Variants in DPP10 observed in about 807,000 individuals in gnomAD.
DPP10 encodes the protein inactive dipeptidyl peptidase 10.
DPP10 carries 33 observed loss-of-function variants against 120.9 expected under a neutral mutation model. The observed-to-expected ratio is 0.27, with a 90% confidence interval of 0.21 to 0.37. The LOEUF is 0.37. DPP10 is among the 10% of genes least tolerant of loss of function. The pLI, the probability that DPP10 is intolerant of heterozygous loss-of-function variation, is 1.00. For missense variants in DPP10, 816 were observed against 942.8 expected, an observed-to-expected ratio of 0.87 and a Z score of 1.76; for synonymous variants, 337 against 326.1, an observed-to-expected ratio of 1.03 and a Z score of -0.36.
rs951487976 is a variant in DPP10 at position 114,651,942 on chromosome 2, A to G, written c.60+209104A>G. Among the ~76,000 whole-genome samples the G allele has an allele frequency of 7.9e-5, 12 of 152,300 alleles. No homozygotes were observed. In the East Asian group the frequency reaches 2.1e-3, roughly 27 times the overall value. On this transcript the variant is annotated intron_variant, in intron 1 of 25. Coordinates refer to ENST00000410059, the MANE Select transcript of DPP10 (RefSeq NM_020868.6). ...TAATGTGCTTGCCCGGAAGATGACG[A>G]TAGTAAATCTGGGATGTCTCTGAAA...
At chr2:114,600,179 A>T (rs984944605) in intron 1 of DPP10, among the ~76,000 whole-genome samples, 11 of 151,590 alleles carry the variant, frequency 7.3e-5, no homozygotes, top group Non-Finnish European at 1.6e-4. Context: ...TTAAACCACG[A>T]AGTGACCCAG....
At chr2:115,455,814 A>ACTCAAGATGGATTAAAGACTTT (rs2073484862) in intron 3 of DPP10, among the ~76,000 whole-genome samples, 1 of 152,170 alleles carries the variant, frequency 6.6e-6, no homozygotes, top group Non-Finnish European at 1.5e-5. Flanking sequence ...ACAAAAATTA[A>ACTCAAGATGGATTAAAGACTTT]CTCAAGATGG....
At chr2:114,649,352 T>C (rs1158182273) in intron 1 of DPP10, among the ~76,000 whole-genome samples, 1 of 151,638 alleles carries the variant, frequency 6.6e-6, no homozygotes, top group African/African-American at 2.4e-5. Flanking sequence ...GAGATTTTTT[T>C]TTTCTTTTTT....
At position 115,785,054 on chromosome 2, in the gene DPP10, C is replaced by T. The variant is rs556612635; in HGVS notation, c.1531+2655C>T. On this transcript the variant is annotated intron_variant, in intron 17 of 25. Coordinates refer to ENST00000410059, the MANE Select transcript of DPP10 (RefSeq NM_020868.6). ...ACTTTTAACTCTCAATTCTTCTCTT[C>T]GATGTTCTCTGGCCTAGAAGTACTT... 8.5e-5 allele frequency among the ~76,000 whole-genome samples: 13 copies of T among 152,300 alleles called. No homozygotes were observed. In the South Asian group the frequency reaches 1.9e-3, roughly 22 times the overall value.
rs1409404399 is a variant in DPP10 at position 114,976,940 on chromosome 2, T to C, written c.61-332299T>C. Among the ~76,000 whole-genome samples the C allele has an allele frequency of 4.6e-5, 7 of 152,172 alleles. No homozygotes were observed. The East Asian group carries it at 9.6e-4, about 21-fold the overall frequency. On this transcript the variant is annotated intron_variant, in intron 1 of 25. Transcript: ENST00000410059. Reference sequence around the variant, plus strand: ...CTTTGTCCATCTTCCATATCTATCATCTTCTAATTGCTTTGTTCTCTCGGT... The same window carrying C: ...CTTTGTCCATCTTCCATATCTATCACCTTCTAATTGCTTTGTTCTCTCGGT...
At chr2:115,620,014 C>T (rs996737693) in intron 5 of DPP10, among the ~76,000 whole-genome samples, 8 of 152,102 alleles carry the variant, frequency 5.3e-5, no homozygotes, top group East Asian at 3.9e-4. Context: ...TCATTTCATA[C>T]GTAGTATGTT....
At chr2:115,666,179 G>A (rs946567900) in intron 5 of DPP10, among the ~76,000 whole-genome samples, 8 of 152,058 alleles carry the variant, frequency 5.3e-5, no homozygotes, top group African/African-American at 1.9e-4. Context: ...ATTTAGGATT[G>A]TTTTAGTCCA....
intron 1 of DPP10, among the ~76,000 whole-genome samples, chr2:115,152,486 T>G (rs568159865): frequency 6.6e-6 from 1 of 152,298 alleles, no homozygotes; most frequent in African/African-American, 2.4e-5. Context: ...TTTTTTGAAC[T>G]TTTAGATAGG....
At chr2:114,898,313 A>T (rs1054658080) in intron 1 of DPP10, among the ~76,000 whole-genome samples, 10 of 150,204 alleles carry the variant, frequency 6.7e-5, no homozygotes, top group African/African-American at 2.4e-4. Flanking sequence ...ACACATGGAC[A>T]CAGGAAGGGG....
intron 3 of DPP10, among the ~76,000 whole-genome samples, chr2:115,486,401 A>C (rs941404976): frequency 1.3e-5 from 2 of 152,176 alleles, no homozygotes; most frequent in Non-Finnish European, 1.5e-5. Context: ...TCAACAATGC[A>C]GTTTAGATGT....
chr2:115,162,038 G>A (rs1296946704), intron 1 of DPP10: 4 of 1,412,360 alleles, frequency 2.8e-6, no homozygotes, highest in Non-Finnish European at 3.7e-6. Context: ...GGTGAGAGTC[G>A]GCAGCCGCGG....
chr2:115,676,217 G>T (rs915497382), intron 5 of DPP10, among the ~76,000 whole-genome samples: 9 of 152,152 alleles, frequency 5.9e-5, no homozygotes, highest in Non-Finnish European at 1.0e-4. Flanking sequence ...GCAAACTTGT[G>T]CCATGGCAAA....
At chr2:115,127,950 C>T (rs1203920992) in intron 1 of DPP10, among the ~76,000 whole-genome samples, 5 of 152,016 alleles carry the variant, frequency 3.3e-5, no homozygotes, top group African/African-American at 1.2e-4. Flanking sequence ...TTATCTTTTT[C>T]ATGTTATGAG....
At chr2:114,902,449 A>C (rs1693657861) in intron 1 of DPP10, among the ~76,000 whole-genome samples, 3 of 152,136 alleles carry the variant, frequency 2.0e-5, no homozygotes, top group African/African-American at 7.2e-5. Context: ...TCCTGGTACT[A>C]ATATCACATT....
At chr2:115,262,012 T>A (rs2105755902) in intron 1 of DPP10, among the ~76,000 whole-genome samples, 1 of 152,286 alleles carries the variant, frequency 6.6e-6, no homozygotes, top group South Asian at 2.1e-4. Flanking sequence ...AAAGAGAGAA[T>A]CCTTGACCCC....
At chr2:115,466,630 T>C (rs1312075514) in intron 3 of DPP10, among the ~76,000 whole-genome samples, 1 of 152,168 alleles carries the variant, frequency 6.6e-6, no homozygotes, top group East Asian at 1.9e-4. Flanking sequence ...TTATTACTTT[T>C]GTGAAAAATA....
intron 1 of DPP10, among the ~76,000 whole-genome samples, chr2:114,490,924 T>C (rs1681941592): frequency 6.6e-6 from 1 of 152,208 alleles, no homozygotes; most frequent in Admixed American, 6.5e-5. Flanking sequence ...GCTGCCACGC[T>C]AATAGGGTTT....
At chr2:115,775,710 G>A (rs982519968) in intron 13 of DPP10, among the ~76,000 whole-genome samples, 4 of 152,038 alleles carry the variant, frequency 2.6e-5, no homozygotes, top group East Asian at 1.9e-4. Context: ...TAACCAACAC[G>A]AAATTAAAAC....
At chr2:114,648,195 C>T (rs1696284294) in intron 1 of DPP10, among the ~76,000 whole-genome samples, 1 of 152,178 alleles carries the variant, frequency 6.6e-6, no homozygotes, top group Non-Finnish European at 1.5e-5. Flanking sequence ...ACTTGAGTGA[C>T]AAGGGCAACT....
Sources: gnomAD v4.1 joint callset for allele counts (sites outside exome capture counted in the v4.1 genomes callset) on GRCh38, gnomAD v4.1.1 for gene constraint, MANE v1.5 for transcripts, NCBI Gene and HGNC (gene_info 2026-07-23, HGNC 2026-07-21) for gene names.